The following LNP1 variants were observed in gnomAD, a reference collection of about 807,000 sequenced individuals.
LNP1 encodes leukemia NUP98 fusion partner 1.
Under a neutral mutation model 14.5 loss-of-function variants are expected in LNP1, and 12 were observed. The ratio of observed to expected loss-of-function variants is 0.83; its 90% CI spans 0.53 to 1.34. LNP1 has a LOEUF of 1.34. Among genes scored for constraint, LNP1 ranks in the 40% most tolerant of loss-of-function variants. LNP1 has a pLI of 0.00. For missense variants in LNP1, 198 were observed against 210.9 expected, an observed-to-expected ratio of 0.94 and a Z score of 0.38; for synonymous variants, 75 against 71.4, an observed-to-expected ratio of 1.05 and a Z score of -0.26.
chr3:100,416,596 T>TG (rs1428071042), intron 1 of LNP1, among the ~76,000 whole-genome samples: 188 of 74,578 alleles, frequency 2.5e-3, no homozygotes, highest in Non-Finnish European at 3.2e-3. Flanking sequence ...GAGTATATCT[T>TG]TTTTGTGTGT....
intron 2 of LNP1, among the ~76,000 whole-genome samples, chr3:100,432,829 A>G (rs1243196139): frequency 6.6e-6 from 1 of 152,126 alleles, no homozygotes; most frequent in East Asian, 1.9e-4. Context: ...TGGTTCTGTT[A>G]ACATTGTTCT....
At chr3:100,407,523 C>G (rs1033521410) in intron 1 of LNP1, among the ~76,000 whole-genome samples, 24 of 152,078 alleles carry the variant, frequency 1.6e-4, no homozygotes, top group African/African-American at 5.6e-4. Flanking sequence ...AGGATCCTGT[C>G]TTTGTCTTAG....
intron 1 of LNP1, among the ~76,000 whole-genome samples, chr3:100,405,038 C>T (rs547111094): frequency 5.3e-5 from 8 of 152,042 alleles, no homozygotes; most frequent in African/African-American, 4.8e-5. Flanking sequence ...GTGATCCGCC[C>T]GCCTCGGCCT....
Position 100,415,685 on chromosome 3 carries a change from C to T in LNP1, c.-34+13246C>T, listed in dbSNP as rs1707076426. On this transcript the variant is annotated intron_variant, in intron 1 of 3. Transcript: ENST00000383693. ...CACACACAAGAAAACCTGTTTAGGGCACCATCGCTTGTAATAGCAAAAAGT... is the reference window on the plus strand; with the variant it reads ...CACACACAAGAAAACCTGTTTAGGGTACCATCGCTTGTAATAGCAAAAAGT... Among the ~76,000 whole-genome samples, 11 of 152,136 alleles carry T rather than the reference C, an allele frequency of 7.2e-5. 1 individual carries two copies. Among genetic ancestry groups the T allele is most frequent in the Admixed American group, 7.2e-4 (11 of 15,268 alleles).
chr3:100,416,648 GTGT>G (rs1204965961), intron 1 of LNP1, among the ~76,000 whole-genome samples: 4 of 138,348 alleles, frequency 2.9e-5, no homozygotes, highest in Non-Finnish European at 4.8e-5. Context: ...TGTGTGTGTG[GTGT>G]TTTTGGTCTG....
chr3:100,453,677 A>C (rs1332050873), intron 3 of LNP1, among the ~76,000 whole-genome samples: 1 of 152,102 alleles, frequency 6.6e-6, no homozygotes, highest in Non-Finnish European at 1.5e-5. Flanking sequence ...TTGCAAGAAT[A>C]GGACAAAGAA....
intron 1 of LNP1, among the ~76,000 whole-genome samples, chr3:100,423,306 T>TA (rs944907114): frequency 3.3e-5 from 5 of 150,572 alleles, no homozygotes; most frequent in East Asian, 2.0e-4. Flanking sequence ...AAAAACGAAA[T>TA]AAAAAAAAAT....
intron 2 of LNP1, among the ~76,000 whole-genome samples, chr3:100,437,863 C>A (rs930041028): frequency 6.6e-6 from 1 of 152,218 alleles, no homozygotes; most frequent in Non-Finnish European, 1.5e-5. Context: ...GGATTTAATA[C>A]TGCTAATCCA....
intron 1 of LNP1, among the ~76,000 whole-genome samples, chr3:100,416,599 T>TGTGTGTGTGTG (rs1553740770): frequency 1.7e-4 from 16 of 94,620 alleles, no homozygotes; most frequent in African/African-American, 2.6e-4. Flanking sequence ...TATATCTTTT[T>TGTGTGTGTGTG]TGTGTGTGTG....
chr3:100,422,827 T>A (rs902439778), intron 1 of LNP1, among the ~76,000 whole-genome samples: 20 of 145,980 alleles, frequency 1.4e-4, no homozygotes, highest in African/African-American at 4.2e-4. Context: ...TTTTTTTTTT[T>A]TTTGCACCAC....
intron 1 of LNP1, among the ~76,000 whole-genome samples, chr3:100,411,183 C>G (rs1707028540): frequency 6.6e-6 from 1 of 152,216 alleles, no homozygotes; most frequent in Non-Finnish European, 1.5e-5. Flanking sequence ...AAGCCATCAC[C>G]TCTTCCTTCT....
intron 1 of LNP1, among the ~76,000 whole-genome samples, chr3:100,409,784 G>A (rs953302315): frequency 3.3e-5 from 5 of 150,946 alleles, no homozygotes; most frequent in African/African-American, 9.7e-5. Context: ...TAGTAGAGAC[G>A]GGGTTTCACC....
intron 1 of LNP1, among the ~76,000 whole-genome samples, chr3:100,410,532 T>C (rs1247134859): frequency 1.3e-5 from 2 of 152,160 alleles, no homozygotes; most frequent in Non-Finnish European, 2.9e-5. Context: ...CCTTGGGTCC[T>C]CCTTGCTGCT....
intron 2 of LNP1, among the ~76,000 whole-genome samples, chr3:100,451,434 A>G (rs1347317552): frequency 1.3e-5 from 2 of 152,206 alleles, no homozygotes; most frequent in African/African-American, 4.8e-5. Context: ...TAGCCTCTCC[A>G]AAGGAGGCAA....
intron 2 of LNP1, among the ~76,000 whole-genome samples, chr3:100,447,012 T>G (rs1707394703): frequency 6.6e-6 from 1 of 152,194 alleles, no homozygotes. Context: ...GAGTGTAAAT[T>G]AGTTCAACCA....
rs1351305756 is a variant in LNP1, at chr3:100,440,472, A to G, written c.156+10587A>G. On this transcript the variant is annotated intron_variant, in intron 2 of 3. Transcript: ENST00000383693. ...GGCTGCACACATTTTTAATCCCATC[A>G]GTAAGGGATGATAGTTCCTGTCTCC... 2.0e-5 allele frequency among the ~76,000 whole-genome samples: 3 copies of G among 152,190 alleles called. No homozygotes were observed. The East Asian group carries it at 5.8e-4, about 29-fold the overall frequency.
At chr3:100,403,058 T>A (rs2148897280) in intron 1 of LNP1, among the ~76,000 whole-genome samples, 1 of 152,338 alleles carries the variant, frequency 6.6e-6, no homozygotes, top group Admixed American at 6.5e-5. Context: ...CATTTTCTCC[T>A]CCATTTCCTA....
At chr3:100,431,341 G>A (rs571935015) in intron 2 of LNP1, among the ~76,000 whole-genome samples, 4 of 152,280 alleles carry the variant, frequency 2.6e-5, no homozygotes, top group African/African-American at 9.6e-5. Context: ...TGGAATCACA[G>A]CATCTATTAT....
rs989029892 is a variant in LNP1 at position 100,445,115 on chromosome 3, C to T, written c.157-6604C>T. Among the ~76,000 whole-genome samples the T allele has an allele frequency of 3.3e-5, 5 of 152,086 alleles. No individual in the cohort carries two copies. In the South Asian group the frequency reaches 1.0e-3, roughly 31 times the overall value. On this transcript the variant is annotated intron_variant, in intron 2 of 3. Coordinates refer to ENST00000383693, the MANE Select transcript of LNP1 (RefSeq NM_001085451.2). ...TGGTGAAACCCCATCTCTACTAAAA[C>T]ACAAAAATGAGGCAGGCATGGTGGT...
Sources: gnomAD v4.1 joint callset for allele counts (sites outside exome capture counted in the v4.1 genomes callset) on GRCh38, gnomAD v4.1.1 for gene constraint, MANE v1.5 for transcripts, NCBI Gene and HGNC (gene_info 2026-07-23, HGNC 2026-07-21) for gene names.